Variants in GRP observed in about 807,000 individuals in gnomAD.
The protein encoded by GRP is gastrin-releasing peptide.
In GRP, 11 loss-of-function variants were observed where a neutral mutation model predicts 12.7. The observed-to-expected ratio is 0.87, with a 90% CI of 0.55 to 1.44. GRP has a LOEUF of 1.44. GRP is among the 40% of genes most tolerant of loss of function. The pLI is 0.00. For missense variants in GRP, 212 were observed against 185.4 expected (o/e 1.14, Z -0.83); for synonymous variants, 84 against 77.7 (o/e 1.08, Z -0.43).
In GRP at chr18:59,220,290, G is replaced by T; in HGVS notation, c.25G>T (p.Val9Phe). 1 of 1,505,834 alleles carries T rather than the reference G, an allele frequency of 6.6e-7. No individual in the cohort carries two copies. The highest frequency in any genetic ancestry group is 8.8e-7 in the Non-Finnish European group (1 of 1,131,828). 93.3% of individuals were successfully genotyped at this position (1,505,834 alleles called of 1,614,324 possible). A position where few individuals can be genotyped will look rare whatever the true frequency, so the allele number is the denominator to read the frequency against. The change falls in exon 1 of 3, where the codon GTC becomes TTC. Residue 9 changes from valine to phenylalanine, a missense_variant. Coordinates refer to ENST00000256857, the MANE Select transcript of GRP (RefSeq NM_002091.5). MRGRELPL[V>F]LLALVLCLAP... Reference sequence around the variant, plus strand: ...CATGCGCGGCCGTGAGCTCCCGCTGGTCCTGCTGGCGCTGGTCCTCTGCCT... The same window carrying T: ...CATGCGCGGCCGTGAGCTCCCGCTGTTCCTGCTGGCGCTGGTCCTCTGCCT...
At chr18:59,221,171 A>G (rs1278733371) in intron 1 of GRP, among the ~76,000 whole-genome samples, 2 of 151,926 alleles carry the variant, frequency 1.3e-5, no homozygotes, top group African/African-American at 4.8e-5. Flanking sequence ...TTGACCCACG[A>G]CTTCGCCCTT....
chr18:59,220,369 C>A lies in GRP; in HGVS notation c.104C>A (p.Thr35Asn). The A allele has an allele frequency of 1.4e-6, 2 of 1,432,044 alleles. No individual in the cohort carries two copies. The highest frequency in any genetic ancestry group is 1.8e-6 in the Non-Finnish European group (2 of 1,093,348). 88.7% of individuals were successfully genotyped at this position (1,432,044 alleles called of 1,614,324 possible). The change falls in exon 1 of 3, where the codon ACC becomes AAC. Residue 35 changes from threonine (T) to asparagine (N), a missense_variant. Physicochemically the swap from Thr to Asn is moderately conservative, Grantham distance 65. Transcript: ENST00000256857. ...CCTGCGGGCGGAGGGACCGTGCTGA[C>A]CAAGATGTACCCGCGCGGCAACCAC... ...PLPAGGGTVL[T>N]KMYPRGNHWA...
At chr18:59,228,871 T>C (rs1180021569) in intron 2 of GRP, among the ~76,000 whole-genome samples, 1 of 152,214 alleles carries the variant, frequency 6.6e-6, no homozygotes, top group Admixed American at 6.5e-5. Flanking sequence ...TTAGTTGGCC[T>C]TTGGTCTACC....
chr18:59,224,730 G>A (rs570162635), intron 1 of GRP, among the ~76,000 whole-genome samples: 2 of 152,276 alleles, frequency 1.3e-5, no homozygotes, highest in Non-Finnish European at 2.9e-5. Flanking sequence ...CTTAACAGCA[G>A]CTTTTTAAAA....
At position 59,230,715 on chromosome 18, in the gene GRP, G is replaced by T; in HGVS notation, c.*247G>T. ...TTATATCTAGGCTACCTGTTGGTTA[G>T]ATTCAAGGCCCCGAGCTGTTACCAT... On this transcript the variant is annotated 3_prime_UTR_variant, in exon 3 of 3. Coordinates refer to ENST00000256857, the MANE Select transcript of GRP (RefSeq NM_002091.5). 8.0e-6 allele frequency: 4 copies of T among 498,430 alleles called. No homozygotes were observed. The highest frequency in any genetic ancestry group is 7.2e-6 in the Non-Finnish European group (2 of 276,386). 30.9% of individuals were successfully genotyped at this position (498,430 alleles called of 1,614,324 possible).
upstream of GRP, chr18:59,220,107 A>C (rs549787525): frequency 0.013 from 2,564 of 198,116 alleles, 2 homozygotes; most frequent in East Asian, 0.038. Context: ...AGAGCCCCCC[A>C]GCCCCCCCGC....
intron 2 of GRP, among the ~76,000 whole-genome samples, chr18:59,227,858 T>C (rs541703805): frequency 6.6e-6 from 1 of 152,290 alleles, no homozygotes; most frequent in South Asian, 2.1e-4. Context: ...GCAAAAAGAA[T>C]AGCTCCACAA....
chr18:59,229,934 G>A (rs2070003861), intron 2 of GRP, among the ~76,000 whole-genome samples: 1 of 152,152 alleles, frequency 6.6e-6, no homozygotes, highest in East Asian at 1.9e-4. Flanking sequence ...AACTAGCTTT[G>A]ACTTGTGTAA....
In GRP at chr18:59,225,624, A is replaced by G. The variant is rs371397932; in HGVS notation, c.272A>G (p.Lys91Arg). 30 of 1,614,046 alleles carry G rather than the reference A, an allele frequency of 1.9e-5. No individual in the cohort carries two copies. The highest frequency in any genetic ancestry group is 5.3e-5 in the African/African-American group (4 of 74,934). ...AATTTGCTGGGTCTCATAGAAGCAA[A>G]GGAGAACAGAAACCACCAGCCACCT... ...ARNLLGLIEA[K>R]ENRNHQPPQP... The change falls in exon 2 of 3, where the codon AAG becomes AGG. Residue 91 changes from lysine to arginine, a missense_variant. Physicochemically the swap from Lys to Arg is conservative, Grantham distance 26. Coordinates refer to ENST00000256857, the MANE Select transcript of GRP (RefSeq NM_002091.5).
intron 2 of GRP, among the ~76,000 whole-genome samples, chr18:59,227,501 G>A (rs2069962703): frequency 6.6e-6 from 1 of 152,082 alleles, no homozygotes; most frequent in Admixed American, 6.5e-5. Flanking sequence ...CAGGTGCTTT[G>A]CCAGAGTTCC....
intron 2 of GRP, 23 bp downstream of exon 2, chr18:59,225,757 A>G: frequency 6.2e-7 from 1 of 1,610,760 alleles, no homozygotes; most frequent in African/African-American, 1.3e-5. Context: ...TACATGCAAG[A>G]TGGGGTGGGA....
At chr18:59,228,409 G>A (rs116367634) in intron 2 of GRP, among the ~76,000 whole-genome samples, 1,816 of 152,244 alleles carry the variant, frequency 0.012, 27 homozygotes, top group African/African-American at 0.041. Context: ...GAGGCTGAAG[G>A]ACTGTTCTTA....
intron 1 of GRP, 88 bp downstream of exon 1, chr18:59,220,492 T>G: frequency 8.4e-7 from 1 of 1,184,020 alleles, no homozygotes; most frequent in Non-Finnish European, 1.1e-6. Flanking sequence ...TCTTTGCGTT[T>G]CCCTGGCCCA....
At chr18:59,227,632 C>T (rs557638217) in intron 2 of GRP, among the ~76,000 whole-genome samples, 6 of 152,168 alleles carry the variant, frequency 3.9e-5, no homozygotes, top group Non-Finnish European at 7.4e-5. Context: ...CCTCATAGCT[C>T]GTTCATGAAA....
At chr18:59,226,681 G>C (rs1329407387) in intron 2 of GRP, among the ~76,000 whole-genome samples, 1 of 152,208 alleles carries the variant, frequency 6.6e-6, no homozygotes, top group East Asian at 1.9e-4. Flanking sequence ...ACATCTTCCA[G>C]AAATGGTCCT....
At chr18:59,220,063 A>C, upstream of GRP, 2 of 429,802 alleles carry the variant, frequency 4.7e-6, no homozygotes, top group East Asian at 3.7e-5. Context: ...GGTTAGCTAT[A>C]GGGAGACGTC....
Position 59,220,371 on chromosome 18 carries a change from A to T in GRP, c.106A>T (p.Lys36Ter). ...LPAGGGTVLTKMYPRGNHWAV... is the reference protein window; with the variant it reads ...LPAGGGTVLT ...TGCGGGCGGAGGGACCGTGCTGACC[A>T]AGATGTACCCGCGCGGCAACCACTG... The change falls in exon 1 of 3, where the codon AAG becomes TAG. Residue 36 changes from lysine to a stop codon, truncating the protein, a stop_gained. Transcript: ENST00000256857. LOFTEE classifies it high-confidence loss of function. The T allele has an allele frequency of 5.6e-6, 8 of 1,430,968 alleles. No individual in the cohort carries two copies. The highest frequency in any genetic ancestry group is 7.3e-6 in the Non-Finnish European group (8 of 1,092,526). 88.6% of individuals were successfully genotyped at this position (1,430,968 alleles called of 1,614,324 possible).
chr18:59,224,597 G>A (rs1023898615), intron 1 of GRP, among the ~76,000 whole-genome samples: 2 of 152,196 alleles, frequency 1.3e-5, no homozygotes, highest in Non-Finnish European at 2.9e-5. Context: ...TAGAGAACAT[G>A]AGAATATTCA....
chr18:59,227,912 C>T (rs1422614774), intron 2 of GRP, among the ~76,000 whole-genome samples: 1 of 152,188 alleles, frequency 6.6e-6, no homozygotes, highest in East Asian at 1.9e-4. Flanking sequence ...GAGTGGGCAG[C>T]TGCCGAGAGT....
Sources: allele counts gnomAD v4.1 joint callset (sites outside exome capture counted in the v4.1 genomes callset), GRCh38; gene constraint gnomAD v4.1.1; transcripts MANE v1.5; gene names NCBI Gene and HGNC (gene_info 2026-07-23, HGNC 2026-07-21).